The following SRSF1 variants were observed in gnomAD, a reference collection of about 807,000 sequenced individuals.
The protein encoded by SRSF1 is serine and arginine rich splicing factor 1.
SRSF1 carries 1 observed loss-of-function variant against 25.9 expected under a neutral mutation model. The observed-to-expected ratio is 0.04, with a 90% confidence interval of 0.01 to 0.18. SRSF1 has a LOEUF of 0.18. Among genes scored for constraint, SRSF1 ranks in the 10% least tolerant of loss-of-function variants. The pLI, the probability that SRSF1 is intolerant of heterozygous loss-of-function variation, is 1.00. For synonymous variants in SRSF1, 132 were observed against 126.2 expected (o/e 1.05, Z -0.31); for missense variants, 65 against 350.5 (o/e 0.19, Z 6.50).
In SRSF1 at chr17:58,004,284, G is replaced by A. The variant is rs2075411928; in HGVS notation, c.*1122C>T. On this transcript the variant is annotated 3_prime_UTR_variant, in exon 4 of 4. Coordinates refer to ENST00000258962, the MANE Select transcript of SRSF1 (RefSeq NM_006924.5). The stretch of plus-strand genomic sequence containing the variant: ...ATTACAGGTTTCGTGGTTGCAAGAA[G>A]TTACGTAATTTAAGTTTACTGGCAT... The A allele has an allele frequency of 6.6e-6, 1 of 152,632 alleles. No homozygotes were observed. Among genetic ancestry groups the A allele is most frequent in the Admixed American group, 6.5e-5 (1 of 15,284 alleles). 9.5% of individuals were successfully genotyped at this position (152,632 alleles called of 1,614,324 possible).
chr17:58,006,250 G>A (rs1333899737), intron 2 of SRSF1, 93 bp downstream of exon 2: 2 of 1,443,818 alleles, frequency 1.4e-6, no homozygotes, highest in Non-Finnish European at 9.4e-7. Flanking sequence ...GACCTAGCAT[G>A]AAAAATTTGC....
chr17:57,995,922 T>C (rs972456922), downstream of SRSF1, among the ~76,000 whole-genome samples: 8 of 152,060 alleles, frequency 5.3e-5, no homozygotes, highest in Admixed American at 1.3e-4. Flanking sequence ...GTGGGAGGCC[T>C]GCTTAAGCCC....
chr17:58,006,687 G>T, intron 1 of SRSF1, 160 bp from the exon 2 acceptor site: 1 of 955,980 alleles, frequency 1.0e-6, no homozygotes. Flanking sequence ...AACACGCCAG[G>T]CTCCCAACCA....
the SRSF1 span, chr17:57,991,729 G>A: frequency 6.7e-6 from 1 of 148,434 alleles, no homozygotes; most frequent in African/African-American, 2.5e-5. Context: ...AGCACACTAA[G>A]GGCTTTGAAG....
the SRSF1 span, chr17:57,989,822 A>G: frequency 5.0e-6 from 2 of 398,530 alleles, no homozygotes; most frequent in East Asian, 3.6e-5. Context: ...ACAGAAAATG[A>G]TGAAAGAGTT....
the SRSF1 span, chr17:57,994,845 C>T: frequency 1.3e-5 from 2 of 152,192 alleles, no homozygotes; most frequent in Non-Finnish European, 2.9e-5. Flanking sequence ...ATTATGGAAG[C>T]ATGAGTATTT....
chr17:58,006,142 G>T (rs948744122), intron 2 of SRSF1, 169 bp from the exon 3 acceptor site: 2 of 959,014 alleles, frequency 2.1e-6, no homozygotes, highest in Non-Finnish European at 3.0e-6. Context: ...AAAATTATTT[G>T]TAACGATCTT....
downstream of SRSF1, among the ~76,000 whole-genome samples, chr17:57,999,290 C>A (rs977771463): frequency 6.6e-6 from 1 of 152,198 alleles, no homozygotes; most frequent in Non-Finnish European, 1.5e-5. Context: ...TAGTTCATAA[C>A]CAAATTGTTA....
At chr17:57,996,328 C>A (rs1320220166), downstream of SRSF1, among the ~76,000 whole-genome samples, 2 of 151,552 alleles carry the variant, frequency 1.3e-5, no homozygotes, top group Admixed American at 6.6e-5. Context: ...ACTAAAAATA[C>A]AAAAAATTAG....
rs1205438805 is a variant in SRSF1, at chr17:58,006,506, A to G, written c.216T>C (p.Tyr72=). 6.2e-7 allele frequency: 1 copy of G among 1,610,956 alleles called. No individual in the cohort carries two copies. Among genetic ancestry groups the G allele is most frequent in the South Asian group, 1.1e-5 (1 of 91,014 alleles). Residue 72 remains tyrosine, a synonymous_variant, in exon 2 of 4, where the codon TAT becomes TAC. Coordinates refer to ENST00000258962, the MANE Select transcript of SRSF1 (RefSeq NM_006924.5). ...EDPRDAEDAV[Y]GRDGYDYDGY... is the part of the protein sequence containing the mutation. Reference sequence around the variant, plus strand: ...CATCGTAATCATAGCCGTCGCGACCATACACCGCGTCTTCCGCGTCTCTGC... The same window carrying G: ...CATCGTAATCATAGCCGTCGCGACCGTACACCGCGTCTTCCGCGTCTCTGC...
rs1287861646 is a variant in SRSF1 at position 58,005,119 on chromosome 17, C to T, written c.*287G>A. ...GATAACCACAAACACCCCCAACATC[C>T]CAGTTCACACAAACCAGGGCAGATA... On this transcript the variant is annotated 3_prime_UTR_variant, in exon 4 of 4. Coordinates refer to ENST00000258962, the MANE Select transcript of SRSF1 (RefSeq NM_006924.5). This position sits in a 1 kb window ranked among gnomAD's most constrained non-coding sequence, Gnocchi z 5.2. 12 of 478,198 alleles carry T rather than the reference C, an allele frequency of 2.5e-5. No homozygotes were observed. 29.6% of individuals were successfully genotyped at this position (478,198 alleles called of 1,614,324 possible).
intron 1 of SRSF1, 87 bp from the exon 2 acceptor site, chr17:58,006,614 C>A (rs2075430304): frequency 1.4e-6 from 2 of 1,431,108 alleles, no homozygotes; most frequent in Non-Finnish European, 9.4e-7. Flanking sequence ...CCCGCACATG[C>A]GCACCCAACG....
downstream of SRSF1, among the ~76,000 whole-genome samples, chr17:57,999,164 T>G (rs544335536): frequency 3.3e-5 from 5 of 152,322 alleles, no homozygotes; most frequent in African/African-American, 9.6e-5. Flanking sequence ...GACACATAAG[T>G]AGGATTTTAA....
At chr17:57,999,639 AT>A (rs2075378233), downstream of SRSF1, among the ~76,000 whole-genome samples, 1 of 152,226 alleles carries the variant, frequency 6.6e-6, no homozygotes, top group African/African-American at 2.4e-5. Flanking sequence ...CTATGTATCT[AT>A]AATGGGGATT....
At chr17:57,995,674 C>T in the SRSF1 span, among the ~76,000 whole-genome samples, 83 of 152,308 alleles carry the variant, frequency 5.4e-4, no homozygotes, top group Non-Finnish European at 8.4e-4. Context: ...CTTTTCTCCC[C>T]GAGGCCTCCC....
chr17:57,992,439 C>G, the SRSF1 span: 1 of 151,860 alleles, frequency 6.6e-6, no homozygotes, highest in Non-Finnish European at 1.5e-5. Flanking sequence ...CAAAGATTAG[C>G]TCAATTATAG....
chr17:57,993,317 G>C, the SRSF1 span: 1 of 151,848 alleles, frequency 6.6e-6, no homozygotes, highest in African/African-American at 2.4e-5. Flanking sequence ...GTGAACCCGG[G>C]GGGCAGAGCT....
rs369417442 is a variant in SRSF1 at position 58,002,296 on chromosome 17, A to G, written c.*3110T>C. ...TTCAACTTAACATCCCCTCTTCCCAACATTCCACAACGTTCATTAAAATCT... is the reference window on the plus strand; with the variant it reads ...TTCAACTTAACATCCCCTCTTCCCAGCATTCCACAACGTTCATTAAAATCT... On this transcript the variant is annotated 3_prime_UTR_variant, in exon 4 of 4. Transcript: ENST00000258962. 4.6e-5 allele frequency among the ~76,000 whole-genome samples: 7 copies of G among 152,286 alleles called. No homozygotes were observed. The South Asian group carries it at 8.3e-4, about 18-fold the overall frequency.
chr17:57,989,823 TGAAA>T, the SRSF1 span: 11 of 398,378 alleles, frequency 2.8e-5, no homozygotes, highest in Admixed American at 8.8e-5. Flanking sequence ...CAGAAAATGA[TGAAA>T]GAGTTTCTGA....
Sources: gnomAD v4.1 joint callset for allele counts (sites outside exome capture counted in the v4.1 genomes callset) on GRCh38, gnomAD v4.1.1 for gene constraint, Gnocchi (gnomAD v3.1) non-coding constraint, MANE v1.5 for transcripts, NCBI Gene and HGNC (gene_info 2026-07-23, HGNC 2026-07-21) for gene names.